The following TUSC3 variants were observed in gnomAD, a reference collection of about 807,000 sequenced individuals.
TUSC3 encodes tumor suppressor candidate 3.
A neutral mutation model predicts 44.8 loss-of-function variants in TUSC3; 45 were observed. The observed-to-expected ratio is 1.00, with a 90% CI of 0.79 to 1.29. The LOEUF (loss-of-function observed/expected upper bound fraction) is 1.29. Ranked by LOEUF, TUSC3 falls within the 50% of genes most tolerant of loss-of-function variation. TUSC3 has a pLI of 0.00. For synonymous variants in TUSC3, 212 were observed against 152.9 expected, an observed-to-expected ratio of 1.39 and a Z score of -2.85; for missense variants, 519 against 437.9, an observed-to-expected ratio of 1.19 and a Z score of -1.65.
At chr8:15,634,327 T>A (rs1805965856) in intron 2 of TUSC3, among the ~76,000 whole-genome samples, 1 of 152,188 alleles carries the variant, frequency 6.6e-6, no homozygotes, top group Admixed American at 6.5e-5. Flanking sequence ...ATGAATACAT[T>A]GTGTCCACGA....
At chr8:15,571,716 C>G (rs754282054) in intron 1 of TUSC3, among the ~76,000 whole-genome samples, 9 of 152,122 alleles carry the variant, frequency 5.9e-5, no homozygotes, top group Non-Finnish European at 1.3e-4. Flanking sequence ...TAGAATTTTA[C>G]CCATAGTCTG....
the TUSC3 span, among the ~76,000 whole-genome samples, chr8:15,787,411 A>T: frequency 3.9e-5 from 6 of 152,324 alleles, no homozygotes; most frequent in Non-Finnish European, 5.9e-5. Context: ...GGTCTGCATG[A>T]AATCCCGTCA....
At chr8:15,810,955 G>T in the TUSC3 span, among the ~76,000 whole-genome samples, 1 of 152,150 alleles carries the variant, frequency 6.6e-6, no homozygotes, top group Non-Finnish European at 1.5e-5. Flanking sequence ...GGTGAGTAAG[G>T]AGACATGATC....
At chr8:15,588,929 C>T (rs1295976769) in intron 1 of TUSC3, among the ~76,000 whole-genome samples, 1 of 152,118 alleles carries the variant, frequency 6.6e-6, no homozygotes, top group Admixed American at 6.6e-5. Context: ...TGTGTTTGTA[C>T]TAGCACCATG....
rs1351126369 is a variant in TUSC3, at chr8:15,649,030, T to C, written c.309-1667T>C. ...CTAGGTCGTTAGCTTGCATTATATA[T>C]GTGGTAAAATCTCAGATCCTGCACA... On this transcript the variant is annotated intron_variant, in intron 2 of 10. Coordinates refer to ENST00000503731, the MANE Select transcript of TUSC3 (RefSeq NM_006765.4). Among the ~76,000 whole-genome samples the C allele has an allele frequency of 6.6e-5, 10 of 152,218 alleles. No individual in the cohort carries two copies. The East Asian group carries it at 1.9e-3, about 30-fold the overall frequency.
At chr8:15,486,178 A>C (rs1349352447) in intron 2 of TUSC3, among the ~76,000 whole-genome samples, 1 of 152,194 alleles carries the variant, frequency 6.6e-6, no homozygotes, top group Admixed American at 6.6e-5. Context: ...GTGATTGGTC[A>C]TTGCTCATGG....
chr8:15,666,814 G>C (rs1271704266), intron 5 of TUSC3, among the ~76,000 whole-genome samples: 2 of 151,364 alleles, frequency 1.3e-5, no homozygotes, highest in African/African-American at 2.4e-5. Flanking sequence ...GCCATTTGGA[G>C]TTAGTTATGG....
chr8:15,440,627 C>G (rs1046691198), intron 1 of TUSC3, among the ~76,000 whole-genome samples: 1 of 152,104 alleles, frequency 6.6e-6, no homozygotes, highest in African/African-American at 2.4e-5. Context: ...CTTAAGCATT[C>G]TTTTATTGAT....
chr8:15,619,570 C>T (rs1563137357), intron 1 of TUSC3, among the ~76,000 whole-genome samples: 1 of 151,992 alleles, frequency 6.6e-6, no homozygotes, highest in South Asian at 2.1e-4. Flanking sequence ...CGGCTTACTG[C>T]AAGCTCCACT....
At chr8:15,602,307 C>G (rs1258020583) in intron 1 of TUSC3, among the ~76,000 whole-genome samples, 1 of 151,564 alleles carries the variant, frequency 6.6e-6, no homozygotes, top group Non-Finnish European at 1.5e-5. Context: ...TTTGTGGATT[C>G]TAGCGCAGAA....
chr8:15,610,771 A>G (rs138933367), intron 1 of TUSC3, among the ~76,000 whole-genome samples: 2,092 of 152,260 alleles, frequency 0.014, 14 homozygotes, highest in Non-Finnish European at 0.021. Context: ...TTTTCCATTC[A>G]TTCAGTAGAG....
chr8:15,644,191 A>G (rs1421990129), intron 2 of TUSC3, among the ~76,000 whole-genome samples: 1 of 152,210 alleles, frequency 6.6e-6, no homozygotes, highest in Admixed American at 6.5e-5. Flanking sequence ...TTTCCCCATA[A>G]TAAAATATGG....
At chr8:15,698,213 C>A (rs564514114) in intron 6 of TUSC3, among the ~76,000 whole-genome samples, 62 of 152,062 alleles carry the variant, frequency 4.1e-4, no homozygotes, top group African/African-American at 1.4e-3. Flanking sequence ...GTTAATAATG[C>A]AAAAATGCTG....
At chr8:15,451,084 C>T (rs2129120301) in intron 1 of TUSC3, among the ~76,000 whole-genome samples, 3 of 152,262 alleles carry the variant, frequency 2.0e-5, no homozygotes, top group Middle Eastern at 6.8e-3. Context: ...ATCCATAATG[C>T]TGGGTCATGA....
At chr8:15,566,137 T>C (rs1030199955) in intron 1 of TUSC3, among the ~76,000 whole-genome samples, 12 of 152,184 alleles carry the variant, frequency 7.9e-5, no homozygotes, top group African/African-American at 1.2e-4. Flanking sequence ...GTGTCTTCTC[T>C]AGACAACGTT....
chr8:15,831,462 T>C, the TUSC3 span, among the ~76,000 whole-genome samples: 1 of 151,694 alleles, frequency 6.6e-6, no homozygotes, highest in African/African-American at 2.4e-5. Flanking sequence ...ATGGGTGAAA[T>C]GACAGAAATA....
chr8:15,458,432 T>A (rs2129121469), intron 1 of TUSC3, among the ~76,000 whole-genome samples: 1 of 152,180 alleles, frequency 6.6e-6, no homozygotes, highest in South Asian at 2.1e-4. Flanking sequence ...AGAGATGAGG[T>A]TTCACCATGT....
intron 10 of TUSC3, among the ~76,000 whole-genome samples, chr8:15,760,652 G>C (rs1022870697): frequency 1.3e-5 from 2 of 152,198 alleles, no homozygotes; most frequent in African/African-American, 4.8e-5. Flanking sequence ...TATGAATAAA[G>C]TTTCATTGAA....
chr8:15,735,436 T>C (rs915422066), intron 7 of TUSC3, among the ~76,000 whole-genome samples: 3 of 152,168 alleles, frequency 2.0e-5, no homozygotes, highest in Non-Finnish European at 2.9e-5. Flanking sequence ...TTCCTAAGAT[T>C]GATTAGGCCT....
Sources: gnomAD v4.1 joint callset for allele counts (sites outside exome capture counted in the v4.1 genomes callset) on GRCh38, gnomAD v4.1.1 for gene constraint, MANE v1.5 for transcripts, NCBI Gene and HGNC (gene_info 2026-07-23, HGNC 2026-07-21) for gene names.